UBR7: variants seen among roughly 807,000 people sequenced by gnomAD.
The protein encoded by UBR7 is putative E3 ubiquitin-protein ligase UBR7.
A neutral mutation model predicts 57.0 loss-of-function variants in UBR7; 22 were observed. The ratio of observed to expected loss-of-function variants is 0.39; its 90% CI spans 0.28 to 0.55. The LOEUF is 0.55. Ranked by LOEUF, UBR7 falls within the 20% of genes least tolerant of loss-of-function variation. UBR7 has a pLI of 0.69. For missense variants in UBR7, 395 were observed against 513.2 expected (o/e 0.77, Z 2.23); for synonymous variants, 167 against 179.8 (o/e 0.93, Z 0.57).
intron 4 of UBR7, among the ~76,000 whole-genome samples, chr14:93,213,314 CA>C (rs892422103): frequency 1.3e-5 from 2 of 150,360 alleles, no homozygotes; most frequent in East Asian, 2.0e-4. Context: ...TCTTTTTTTT[CA>C]TTTTTTTTTT....
intron 10 of UBR7, chr14:93,224,104 C>G: frequency 1.2e-6 from 1 of 868,276 alleles, no homozygotes; most frequent in Non-Finnish European, 1.9e-6. Flanking sequence ...AGTGACCCAC[C>G]ACCTTGTACT....
Position 93,228,753 on chromosome 14 carries a change from C to T in UBR7, c.*1718C>T, listed in dbSNP as rs1414952567. ...TTCGAACCCTTTTTGCAAGGTTGCACTATTAGTATACCATCATGTCCGGAA... is the reference window on the plus strand; with the variant it reads ...TTCGAACCCTTTTTGCAAGGTTGCATTATTAGTATACCATCATGTCCGGAA... On this transcript the variant is annotated 3_prime_UTR_variant, in exon 11 of 11. Coordinates refer to ENST00000013070, the MANE Select transcript of UBR7 (RefSeq NM_175748.4). 2 of 454,124 alleles carry T rather than the reference C, an allele frequency of 4.4e-6. No individual in the cohort carries two copies. The highest frequency in any genetic ancestry group is 3.1e-5 in the South Asian group (2 of 64,478). 28.1% of individuals were successfully genotyped at this position (454,124 alleles called of 1,614,324 possible). A position where few individuals can be genotyped will look rare whatever the true frequency, so the allele number is the denominator to read the frequency against.
rs1894938090 is a variant in UBR7 at position 93,229,126 on chromosome 14, C to A, written c.*2091C>A. On this transcript the variant is annotated 3_prime_UTR_variant, in exon 11 of 11. Transcript: ENST00000013070. The stretch of plus-strand genomic sequence containing the variant: ...TTAAGGAGTTCTGGCATTGTATGTG[C>A]ATTTTTGTAGAAATTGTTACTGGAC... The A allele has an allele frequency of 2.9e-6, 1 of 349,974 alleles. No individual in the cohort carries two copies. Among genetic ancestry groups the A allele is most frequent in the African/African-American group, 2.1e-5 (1 of 46,666 alleles). 21.7% of individuals were successfully genotyped at this position (349,974 alleles called of 1,614,324 possible).
At position 93,218,520 on chromosome 14, in the gene UBR7, C is replaced by T; in HGVS notation, c.602-7C>T. On this transcript the variant is annotated splice_region_variant and splice_polypyrimidine_tract_variant and intron_variant, in intron 6 of 10. Coordinates refer to ENST00000013070, the MANE Select transcript of UBR7 (RefSeq NM_175748.4). ...GTATGTGTTTTTCTTTTTCTTTGAA[C>T]TCACAGTAACCAAAATATCCACTGA... The T allele has an allele frequency of 6.2e-7, 1 of 1,613,888 alleles. No individual in the cohort carries two copies. The highest frequency in any genetic ancestry group is 8.5e-7 in the Non-Finnish European group (1 of 1,179,898).
chr14:93,229,125 G>A lies in UBR7; in HGVS notation c.*2090G>A, dbSNP rs1433301947. ...TTTAAGGAGTTCTGGCATTGTATGT[G>A]CATTTTTGTAGAAATTGTTACTGGA... On this transcript the variant is annotated 3_prime_UTR_variant, in exon 11 of 11. Transcript: ENST00000013070. The A allele has an allele frequency of 2.9e-6, 1 of 347,958 alleles. No individual in the cohort carries two copies. The highest frequency in any genetic ancestry group is 7.5e-5 in the East Asian group (1 of 13,398). 21.6% of individuals were successfully genotyped at this position (347,958 alleles called of 1,614,324 possible).
At position 93,227,840 on chromosome 14, in the gene UBR7, G is replaced by C; in HGVS notation, c.*805G>C. On this transcript the variant is annotated 3_prime_UTR_variant, in exon 11 of 11. Coordinates refer to ENST00000013070, the MANE Select transcript of UBR7 (RefSeq NM_175748.4). ...ATACTAGTCCCTTCTCTGCTGCCTA[G>C]AAAACAGACCGGGTCTCACCCCTGT... 1.4e-6 allele frequency: 1 copy of C among 700,824 alleles called. No individual in the cohort carries two copies. Among genetic ancestry groups the C allele is most frequent in the Non-Finnish European group, 2.6e-6 (1 of 384,826 alleles). The allele number at this position is 700,824 out of a possible 1,614,324, so 43.4% of individuals were successfully genotyped here. A position where few individuals can be genotyped will look rare whatever the true frequency, so the allele number is the denominator to read the frequency against.
At position 93,212,082 on chromosome 14, in the gene UBR7, A is replaced by G. The variant is rs1747766987; in HGVS notation, c.396A>G (p.Gly132=). 4 of 1,613,252 alleles carry G rather than the reference A, an allele frequency of 2.5e-6. No homozygotes were observed. Among genetic ancestry groups the G allele is most frequent in the Non-Finnish European group, 3.4e-6 (4 of 1,179,566 alleles). ...SGNKYNDNFF[G]LYCICKRPYP... Reference sequence around the variant, plus strand: ...ATAAGTACAATGACAACTTTTTTGGATTGTACTGCATTTGCAAGAGACCTT... The same window carrying G: ...ATAAGTACAATGACAACTTTTTTGGGTTGTACTGCATTTGCAAGAGACCTT... Residue 132 remains glycine, a synonymous_variant, in exon 4 of 11, where the codon GGA becomes GGG. Coordinates refer to ENST00000013070, the MANE Select transcript of UBR7 (RefSeq NM_175748.4).
chr14:93,220,635 A>C (rs745384200), intron 9 of UBR7, among the ~76,000 whole-genome samples: 4 of 152,172 alleles, frequency 2.6e-5, no homozygotes, highest in Non-Finnish European at 5.9e-5. Flanking sequence ...AACATATGCT[A>C]TTCTGATTAA....
intron 2 of UBR7, 99 bp from the exon 3 acceptor site, chr14:93,210,549 C>A (rs1894461578): frequency 2.0e-6 from 2 of 999,654 alleles, no homozygotes; most frequent in Non-Finnish European, 1.5e-6. Context: ...ATTAATTTCC[C>A]GAATTGTGAA....
Position 93,218,515 on chromosome 14 carries a change from T to C in UBR7, c.602-12T>C. 6.2e-7 allele frequency: 1 copy of C among 1,613,812 alleles called. No homozygotes were observed. Among genetic ancestry groups the C allele is most frequent in the Non-Finnish European group, 8.5e-7 (1 of 1,179,714 alleles). ...TGTGTGTATGTGTTTTTCTTTTTCT[T>C]TGAACTCACAGTAACCAAAATATCC... On this transcript the variant is annotated splice_polypyrimidine_tract_variant and intron_variant, in intron 6 of 10. Transcript: ENST00000013070.
At chr14:93,223,620 T>G in intron 10 of UBR7, 1 of 1,329,720 alleles carries the variant, frequency 7.5e-7, no homozygotes, top group Non-Finnish European at 1.1e-6. Context: ...GTTGGGCCTC[T>G]TGGTGGTGAA....
At chr14:93,221,019 C>T (rs1173986760) in intron 9 of UBR7, among the ~76,000 whole-genome samples, 1 of 152,070 alleles carries the variant, frequency 6.6e-6, no homozygotes, top group Non-Finnish European at 1.5e-5. Flanking sequence ...ATTCTCAGCT[C>T]ACTGCAACCT....
chr14:93,213,836 G>A (rs879400052), intron 4 of UBR7, among the ~76,000 whole-genome samples: 1 of 152,018 alleles, frequency 6.6e-6, no homozygotes, highest in Non-Finnish European at 1.5e-5. Flanking sequence ...CTTTCTAATT[G>A]CGTTGGAACT....
chr14:93,217,196 C>A (rs1412938796), intron 6 of UBR7, among the ~76,000 whole-genome samples: 1 of 151,094 alleles, frequency 6.6e-6, no homozygotes, highest in Non-Finnish European at 1.5e-5. Context: ...CTAGCTAATT[C>A]TTCTATTTTT....
intron 9 of UBR7, 84 bp from the exon 10 acceptor site, chr14:93,222,229 C>A: frequency 1.1e-6 from 1 of 921,406 alleles, no homozygotes; most frequent in Non-Finnish European, 1.8e-6. Flanking sequence ...TATTAACAGA[C>A]TCAGGTGTCA....
At chr14:93,226,901 GTTAC>G (rs1894864972) in intron 10 of UBR7, 38 bp from the exon 11 acceptor site, 1 of 1,443,150 alleles carries the variant, frequency 6.9e-7, no homozygotes, top group Non-Finnish European at 9.7e-7. Context: ...TTGCGATTCT[GTTAC>G]TTAGTTCTCT....
intron 6 of UBR7, among the ~76,000 whole-genome samples, chr14:93,215,688 TCA>T (rs1894576861): frequency 1.4e-5 from 1 of 69,230 alleles, no homozygotes. Context: ...GACTCCATCC[TCA>T]AAAAAAAAAA....
intron 10 of UBR7, among the ~76,000 whole-genome samples, chr14:93,223,135 C>T (rs762955381): frequency 6.6e-5 from 10 of 151,834 alleles, no homozygotes; most frequent in Non-Finnish European, 1.3e-4. Flanking sequence ...CAGTGGCTCA[C>T]GCCTTAATCC....
At chr14:93,220,864 G>T (rs1219867946) in intron 9 of UBR7, among the ~76,000 whole-genome samples, 2 of 151,388 alleles carry the variant, frequency 1.3e-5, no homozygotes, top group African/African-American at 4.9e-5. Context: ...ACTTATTTCA[G>T]TGGTTTCTAT....
Sources: gnomAD v4.1 joint callset for allele counts (sites outside exome capture counted in the v4.1 genomes callset) on GRCh38, gnomAD v4.1.1 for gene constraint, MANE v1.5 for transcripts, NCBI Gene and HGNC (gene_info 2026-07-23, HGNC 2026-07-21) for gene names.